The following AP2A2 variants were observed in gnomAD, a reference collection of about 807,000 sequenced individuals.
AP2A2 encodes AP-2 complex subunit alpha-2.
Under a neutral mutation model 104.2 loss-of-function variants are expected in AP2A2, and 32 were observed. That is an observed-to-expected ratio of 0.31 (90% CI 0.23 to 0.41). AP2A2 has a LOEUF of 0.41. Among genes scored for constraint, AP2A2 ranks in the 10% least tolerant of loss-of-function variants. The pLI is 1.00. For missense variants in AP2A2, 912 were observed against 1,261.0 expected, an observed-to-expected ratio of 0.72 and a Z score of 4.19; for synonymous variants, 539 against 533.3, an observed-to-expected ratio of 1.01 and a Z score of -0.15.
chr11:943,989 A>G (rs1853745308), intron 1 of AP2A2, among the ~76,000 whole-genome samples: 1 of 150,926 alleles, frequency 6.6e-6, no homozygotes, highest in Non-Finnish European at 1.5e-5. Flanking sequence ...CCGGAGATGC[A>G]GGTGGCAGTG....
At chr11:971,782 G>C (rs1854838076) in intron 3 of AP2A2, among the ~76,000 whole-genome samples, 1 of 152,212 alleles carries the variant, frequency 6.6e-6, no homozygotes, top group Non-Finnish European at 1.5e-5. Context: ...GGGACCGGGG[G>C]GTCCAGTTCC....
At chr11:987,192 G>A (rs1855490714) in intron 9 of AP2A2, among the ~76,000 whole-genome samples, 1 of 152,242 alleles carries the variant, frequency 6.6e-6, no homozygotes, top group Admixed American at 6.5e-5. Context: ...GGAGTCTCTG[G>A]CAGCCCTTTC....
chr11:1,002,923 C>A (rs1469774143), intron 15 of AP2A2, among the ~76,000 whole-genome samples: 1 of 152,240 alleles, frequency 6.6e-6, no homozygotes, highest in African/African-American at 2.4e-5. Context: ...CCTGCCTCCC[C>A]ACCCTGTGGT....
At chr11:931,392 C>G (rs539285782) in intron 1 of AP2A2, among the ~76,000 whole-genome samples, 1 of 152,258 alleles carries the variant, frequency 6.6e-6, no homozygotes, top group Non-Finnish European at 1.5e-5. Flanking sequence ...TGTTGACATG[C>G]CAACACTAGA....
chr11:929,251 G>C (rs987682917), intron 1 of AP2A2, among the ~76,000 whole-genome samples: 6 of 152,180 alleles, frequency 3.9e-5, no homozygotes, highest in African/African-American at 1.4e-4. Flanking sequence ...CTCTGATTTT[G>C]TGTGCTGTTT....
Position 993,232 on chromosome 11 carries a change from C to T in AP2A2, c.1453-52C>T. ...ACCGCGCCAGGACGTGCCCGCCTCG[C>T]CTTAACTCTGGCACCTGGCTGCCAC... On this transcript the variant is annotated intron_variant, in intron 11 of 21. Transcript: ENST00000448903. The surrounding 1 kb of genome is among the most constrained non-coding windows in gnomAD (Gnocchi z 8.2). 1.3e-6 allele frequency: 2 copies of T among 1,491,144 alleles called. No individual in the cohort carries two copies. The highest frequency in any genetic ancestry group is 1.8e-6 in the Non-Finnish European group (2 of 1,101,272). 92.4% of individuals were successfully genotyped at this position (1,491,144 alleles called of 1,614,324 possible). A position where few individuals can be genotyped will look rare whatever the true frequency, so the allele number is the denominator to read the frequency against.
Position 993,392 on chromosome 11 carries a change from C to A in AP2A2, c.1550+11C>A, listed in dbSNP as rs766584405. On this transcript the variant is annotated intron_variant, in intron 12 of 21. Coordinates refer to ENST00000448903, the MANE Select transcript of AP2A2 (RefSeq NM_012305.4). The surrounding 1 kb of genome is among the most constrained non-coding windows in gnomAD (Gnocchi z 8.2). Reference sequence around the variant, plus strand: ...AGACCCGAGATCCAGGTGAGAGGCCCTTTGCGAGTCGGGGCTGTGTGCGCT... The same window carrying A: ...AGACCCGAGATCCAGGTGAGAGGCCATTTGCGAGTCGGGGCTGTGTGCGCT... The A allele has an allele frequency of 1.2e-6, 2 of 1,600,408 alleles. No individual in the cohort carries two copies. Among genetic ancestry groups the A allele is most frequent in the Non-Finnish European group, 1.7e-6 (2 of 1,174,642 alleles).
In AP2A2 at chr11:959,488, T is replaced by C; in HGVS notation, c.119T>C (p.Ile40Thr). The C allele has an allele frequency of 6.4e-7, 1 of 1,556,724 alleles. No individual in the cohort carries two copies. The highest frequency in any genetic ancestry group is 8.8e-7 in the Non-Finnish European group (1 of 1,132,102). Residue 40 changes from isoleucine to threonine, a missense_variant, in exon 2 of 22, where the codon ATC (isoleucine) becomes ACC (threonine). Ile to Thr is a moderately conservative substitution (Grantham distance 89). Transcript: ENST00000448903. ...IKRINKELAN[I>T]RSKFKGDKAL... The stretch of plus-strand genomic sequence containing the variant: ...AGGATAAACAAGGAACTGGCAAATA[T>C]CAGATCAAAATTTAAAGGTAAGTAT...
At chr11:956,801 T>A (rs570618409) in intron 1 of AP2A2, 1 of 152,350 alleles carries the variant, frequency 6.6e-6, no homozygotes, top group African/African-American at 2.4e-5. Flanking sequence ...CCACATTTCA[T>A]GGGTGTGAGC....
At position 951,873 on chromosome 11, in the gene AP2A2, CTT is replaced by C. The variant is rs780323076; in HGVS notation, c.68-7562_68-7561del. ...GCTTTTGGGTTACTCGGCGGAATCA[CTT>C]TATTTCTTTGAGACAGAGTCTCACC... is the stretch of plus-strand genomic sequence containing the variant. On this transcript the variant is annotated intron_variant, in intron 1 of 21. Coordinates refer to ENST00000448903, the MANE Select transcript of AP2A2 (RefSeq NM_012305.4). Among the ~76,000 whole-genome samples, 13 of 152,260 alleles carry C rather than the reference CTT, an allele frequency of 8.5e-5. No individual in the cohort carries two copies. The East Asian group carries it at 1.4e-3, about 16-fold the overall frequency.
rs764442918 is a variant in AP2A2 at position 1,009,084 on chromosome 11, C to T, written c.2421-16C>T. 1.3e-6 allele frequency: 2 copies of T among 1,596,386 alleles called. No individual in the cohort carries two copies. The highest frequency in any genetic ancestry group is 1.9e-4 in the Middle Eastern group (1 of 5,338). ...AGTAGCTGACTGTCTCTTTCTGCTGCTGCTGCTGCTGGCAGGTATGGGGGC... is the reference window on the plus strand; with the variant it reads ...AGTAGCTGACTGTCTCTTTCTGCTGTTGCTGCTGCTGGCAGGTATGGGGGC... On this transcript the variant is annotated splice_polypyrimidine_tract_variant and intron_variant, in intron 18 of 21. Coordinates refer to ENST00000448903, the MANE Select transcript of AP2A2 (RefSeq NM_012305.4).
In AP2A2 at chr11:941,467, AGAT is replaced by A. The variant is rs1853639866; in HGVS notation, c.67+15381_67+15383del. Among the ~76,000 whole-genome samples, 3 of 152,146 alleles carry A rather than the reference AGAT, an allele frequency of 2.0e-5. No homozygotes were observed. The South Asian group carries it at 6.2e-4, about 32-fold the overall frequency. Reference sequence around the variant, plus strand: ...TTTATGTAATTTTTATTTTTTTTAGAGATGGGGTCTTACTATGTTGCCCAGGCT... The same window carrying A: ...TTTATGTAATTTTTATTTTTTTTAGAGGGGTCTTACTATGTTGCCCAGGCT... On this transcript the variant is annotated intron_variant, in intron 1 of 21. Transcript: ENST00000448903.
At chr11:953,703 G>A (rs1178999086) in intron 1 of AP2A2, among the ~76,000 whole-genome samples, 1 of 152,084 alleles carries the variant, frequency 6.6e-6, no homozygotes, top group Non-Finnish European at 1.5e-5. Context: ...CTGCTCAGTA[G>A]GGGCGCTGGG....
At position 1,007,840 on chromosome 11, in the gene AP2A2, T is replaced by C. The variant is rs1034705062; in HGVS notation, c.2297-172T>C. On this transcript the variant is annotated intron_variant, in intron 17 of 21. Transcript: ENST00000448903. ...TGAGAAGCAGACAGTGTTTTGAGGA[T>C]TGTCTGGGTGGAAGGGCAGGGCCGG... The C allele has an allele frequency of 3.6e-6, 3 of 832,654 alleles. No homozygotes were observed. In the African/African-American group the frequency reaches 5.1e-5, roughly 14 times the overall value. 51.6% of individuals were successfully genotyped at this position (832,654 alleles called of 1,614,324 possible).
chr11:967,646 C>T (rs1854665714), intron 2 of AP2A2, among the ~76,000 whole-genome samples: 1 of 152,166 alleles, frequency 6.6e-6, no homozygotes, highest in Admixed American at 6.5e-5. Flanking sequence ...AGGCGTGAGC[C>T]ACCATGCGCG....
At chr11:969,219 C>CTTTTTTTTTTTTTTTTTTTTT (rs1564799363) in intron 2 of AP2A2, among the ~76,000 whole-genome samples, 1 of 112,812 alleles carries the variant, frequency 8.9e-6, no homozygotes. Context: ...GTAGAACAGC[C>CTTTTTTTTTTTTTTTTTTTTT]CTTTTTTTTT....
intron 6 of AP2A2, among the ~76,000 whole-genome samples, chr11:984,090 G>C (rs972881802): frequency 3.9e-5 from 6 of 152,246 alleles, no homozygotes; most frequent in African/African-American, 1.4e-4. Context: ...ACATCGGGCT[G>C]TATGTCAGTG....
chr11:969,508 G>A (rs1854745876), intron 2 of AP2A2, among the ~76,000 whole-genome samples: 1 of 152,094 alleles, frequency 6.6e-6, no homozygotes, highest in Non-Finnish European at 1.5e-5. Context: ...TTACAGGCGT[G>A]AGCCACCGTG....
At chr11:951,821 A>G (rs1370660962) in intron 1 of AP2A2, among the ~76,000 whole-genome samples, 1 of 152,196 alleles carries the variant, frequency 6.6e-6, no homozygotes, top group Non-Finnish European at 1.5e-5. Flanking sequence ...GCTTCCTTCA[A>G]AAATTCTTGG....
Sources: gnomAD v4.1 joint callset for allele counts (sites outside exome capture counted in the v4.1 genomes callset) on GRCh38, gnomAD v4.1.1 for gene constraint, Gnocchi (gnomAD v3.1) non-coding constraint, MANE v1.5 for transcripts, NCBI Gene and HGNC (gene_info 2026-07-23, HGNC 2026-07-21) for gene names.